Variants in ABLIM1 observed in about 807,000 individuals in gnomAD.
The protein encoded by ABLIM1 is actin-binding LIM protein 1.
In ABLIM1, 40 loss-of-function variants were observed where a neutral mutation model predicts 107.0. That is an observed-to-expected ratio of 0.37 (90% CI 0.29 to 0.49). ABLIM1 has a LOEUF of 0.49. Among genes scored for constraint, ABLIM1 ranks in the 20% least tolerant of loss-of-function variants. The pLI, the probability that ABLIM1 is intolerant of heterozygous loss-of-function variation, is 0.97. For synonymous variants in ABLIM1, 357 were observed against 357.3 expected, an observed-to-expected ratio of 1.00 and a Z score of 0.01; for missense variants, 857 against 1,008.5, an observed-to-expected ratio of 0.85 and a Z score of 2.04.
intron 1 of ABLIM1, among the ~76,000 whole-genome samples, chr10:114,615,964 G>T (rs1225485810): frequency 6.6e-6 from 1 of 152,134 alleles, no homozygotes; most frequent in Non-Finnish European, 1.5e-5. Context: ...CCAGAGCCTT[G>T]GAAAAGCTAA....
intron 2 of ABLIM1, among the ~76,000 whole-genome samples, chr10:114,578,764 T>TTTTC (rs769267781): frequency 1.3e-5 from 2 of 149,184 alleles, no homozygotes; most frequent in African/African-American, 4.9e-5. Flanking sequence ...AGGTGTTTCT[T>TTTTC]TTTCTTTCTT....
intron 6 of ABLIM1, among the ~76,000 whole-genome samples, chr10:114,532,292 A>C (rs929344344): frequency 2.0e-5 from 3 of 152,166 alleles, no homozygotes; most frequent in Non-Finnish European, 2.9e-5. Flanking sequence ...GCCACTCCAA[A>C]CTTTCCCTTT....
intron 1 of ABLIM1, among the ~76,000 whole-genome samples, chr10:114,716,383 G>A (rs1022119612): frequency 6.6e-6 from 1 of 150,378 alleles, no homozygotes; most frequent in Non-Finnish European, 1.5e-5. Context: ...GTTTTTCACA[G>A]TTAGTGTTCT....
intron 1 of ABLIM1, among the ~76,000 whole-genome samples, chr10:114,608,240 TG>T (rs1441113818): frequency 1.1e-4 from 17 of 152,206 alleles, no homozygotes; most frequent in African/African-American, 4.1e-4. Context: ...GGCATGTGCC[TG>T]TAGTCCCAGC....
Position 114,457,278 on chromosome 10 carries a change from A to T in ABLIM1, c.1442-3795T>A, listed in dbSNP as rs563991782. On this transcript the variant is annotated intron_variant, in intron 12 of 22. Transcript: ENST00000533213. ...CTTATCTGTATTTATTTTTATTTTT[A>T]TTTTTTTTTGAGACAGAGTCTTGCT... is the stretch of plus-strand genomic sequence containing the variant. Among the ~76,000 whole-genome samples the T allele has an allele frequency of 9.3e-4, 140 of 150,448 alleles. 1 individual carries two copies. The highest frequency in any genetic ancestry group is 3.2e-3 in the African/African-American group (131 of 40,830).
Position 114,629,866 on chromosome 10 carries a change from C to T in ABLIM1, c.245-27905G>A, listed in dbSNP as rs200101450. Among the ~76,000 whole-genome samples, 33 of 141,590 alleles carry T rather than the reference C, an allele frequency of 2.3e-4. 2 individuals are homozygous for T. In the South Asian group the frequency reaches 5.4e-3, roughly 23 times the overall value. The allele number at this position is 141,590 out of a possible 152,430, so 92.9% of individuals were successfully genotyped here. ...AACAAACAAACAAACAAAAATGAAACGAAACGAAACAAACCTGCCTTTCTC... is the reference window on the plus strand; with the variant it reads ...AACAAACAAACAAACAAAAATGAAATGAAACGAAACAAACCTGCCTTTCTC... On this transcript the variant is annotated intron_variant, in intron 1 of 22. Transcript: ENST00000533213. This position sits in a 1 kb window ranked among gnomAD's most constrained non-coding sequence, Gnocchi z 4.0.
intron 1 of ABLIM1, among the ~76,000 whole-genome samples, chr10:114,721,464 G>T (rs1260341532): frequency 6.6e-6 from 1 of 152,054 alleles, no homozygotes; most frequent in Non-Finnish European, 1.5e-5. Context: ...CAGGCCCTGA[G>T]AATAGCTAAA....
At chr10:114,659,981 C>T (rs1008571795), upstream of ABLIM1, among the ~76,000 whole-genome samples, 1 of 152,130 alleles carries the variant, frequency 6.6e-6, no homozygotes, top group Admixed American at 6.5e-5. Context: ...AATTCAAGAA[C>T]CTGAGAATTC....
At chr10:114,726,191 G>T (rs1591894598) in intron 1 of ABLIM1, among the ~76,000 whole-genome samples, 1 of 152,160 alleles carries the variant, frequency 6.6e-6, no homozygotes, top group East Asian at 1.9e-4. Context: ...TGTTGTTGTT[G>T]TTACAAAATG....
intron 1 of ABLIM1, among the ~76,000 whole-genome samples, chr10:114,637,620 C>A (rs2078546194): frequency 6.6e-6 from 1 of 152,176 alleles, no homozygotes; most frequent in South Asian, 2.1e-4. Flanking sequence ...ATAGGTTGCA[C>A]CTCAAGAAAA....
chr10:114,710,257 ATCTG>A (rs1307936762), intron 1 of ABLIM1, among the ~76,000 whole-genome samples: 2 of 152,176 alleles, frequency 1.3e-5, no homozygotes, highest in Non-Finnish European at 1.5e-5. Flanking sequence ...CATTGTATTA[ATCTG>A]TTCTCACACT....
rs142837065 is a variant in ABLIM1, at chr10:114,584,865, A to G, written c.380-9266T>C. 2.5e-3 allele frequency among the ~76,000 whole-genome samples: 377 copies of G among 152,278 alleles called. 3 individuals are homozygous for G. The highest frequency in any genetic ancestry group is 8.8e-3 in the African/African-American group (366 of 41,542). On this transcript the variant is annotated intron_variant, in intron 2 of 22. Transcript: ENST00000533213. Reference sequence around the variant, plus strand: ...CCTGATTGGAAAGAAATCATTTTGAAACCTCTATTTATTAATAAAATCTTT... The same window carrying G: ...CCTGATTGGAAAGAAATCATTTTGAGACCTCTATTTATTAATAAAATCTTT...
At chr10:114,444,318 C>G (rs2060697826) in intron 16 of ABLIM1, among the ~76,000 whole-genome samples, 184 bp from the exon 17 acceptor site, 1 of 152,118 alleles carries the variant, frequency 6.6e-6, no homozygotes, top group South Asian at 2.1e-4. Flanking sequence ...ACCCTAAACC[C>G]TCTTAGCCCT....
chr10:114,712,942 CAGG>C (rs1342247961), intron 1 of ABLIM1, among the ~76,000 whole-genome samples: 3 of 152,136 alleles, frequency 2.0e-5, no homozygotes, highest in Non-Finnish European at 4.4e-5. Flanking sequence ...CCTAGCTACT[CAGG>C]AGGACAAGAT....
intron 6 of ABLIM1, among the ~76,000 whole-genome samples, chr10:114,531,827 C>A (rs2065480965): frequency 6.6e-6 from 1 of 151,432 alleles, no homozygotes; most frequent in East Asian, 1.9e-4. Flanking sequence ...GATTATTTAG[C>A]TTTAAGTGTG....
intron 1 of ABLIM1, among the ~76,000 whole-genome samples, chr10:114,654,335 G>C (rs554330674): frequency 9.5e-4 from 145 of 152,250 alleles, no homozygotes; most frequent in Middle Eastern, 3.4e-3. Flanking sequence ...CCTCCATAGA[G>C]ACTGTCAAAA....
chr10:114,702,525 CTTT>C (rs11374796), intron 1 of ABLIM1, among the ~76,000 whole-genome samples: 3 of 129,570 alleles, frequency 2.3e-5, no homozygotes, highest in Non-Finnish European at 3.2e-5. Flanking sequence ...AGTAAGAACA[CTTT>C]TTTTTTTTTT....
At chr10:114,489,755 A>T (rs2058680484) in intron 7 of ABLIM1, among the ~76,000 whole-genome samples, 1 of 152,186 alleles carries the variant, frequency 6.6e-6, no homozygotes, top group South Asian at 2.1e-4. Flanking sequence ...GCACACAAGG[A>T]ATGTGACTCG....
intron 6 of ABLIM1, among the ~76,000 whole-genome samples, chr10:114,515,051 A>C (rs2062589797): frequency 6.6e-6 from 1 of 152,240 alleles, no homozygotes; most frequent in Non-Finnish European, 1.5e-5. Context: ...GTCCAGGTCA[A>C]TGCAGCAGGG....
Sources: gnomAD v4.1 joint callset for allele counts (sites outside exome capture counted in the v4.1 genomes callset) on GRCh38, gnomAD v4.1.1 for gene constraint, Gnocchi (gnomAD v3.1) non-coding constraint, MANE v1.5 for transcripts, NCBI Gene and HGNC (gene_info 2026-07-23, HGNC 2026-07-21) for gene names.